The following LCP1 variants were observed in gnomAD, a reference collection of about 807,000 sequenced individuals.
LCP1 encodes plastin-2.
In LCP1, 23 loss-of-function variants were observed where a neutral mutation model predicts 72.0. That is an observed-to-expected ratio of 0.32 (90% CI 0.23 to 0.45). The LOEUF (loss-of-function observed/expected upper bound fraction) is 0.45. Among genes scored for constraint, LCP1 ranks in the 20% least tolerant of loss-of-function variants. LCP1 has a pLI of 1.00. For synonymous variants in LCP1, 245 were observed against 275.4 expected (o/e 0.89, Z 1.09); for missense variants, 571 against 748.3 (o/e 0.76, Z 2.76).
intron 4 of LCP1, among the ~76,000 whole-genome samples, chr13:46,157,712 A>G (rs2045811561): frequency 6.6e-6 from 1 of 151,594 alleles, no homozygotes; most frequent in South Asian, 2.1e-4. Context: ...TGTCTTAGCA[A>G]CTATAGATGG....
intron 5 of LCP1, among the ~76,000 whole-genome samples, chr13:46,155,864 T>G (rs2045798164): frequency 6.6e-6 from 1 of 152,252 alleles, no homozygotes; most frequent in Non-Finnish European, 1.5e-5. Flanking sequence ...TAAGGACTTC[T>G]TCCATCATCC....
intron 1 of LCP1, among the ~76,000 whole-genome samples, chr13:46,176,716 T>A (rs1356829823): frequency 6.6e-6 from 1 of 152,216 alleles, no homozygotes; most frequent in Non-Finnish European, 1.5e-5. Context: ...GCAAATTATC[T>A]GGGAGATTGC....
At chr13:46,157,595 G>A (rs2045810757) in intron 4 of LCP1, among the ~76,000 whole-genome samples, 1 of 152,010 alleles carries the variant, frequency 6.6e-6, no homozygotes, top group Non-Finnish European at 1.5e-5. Flanking sequence ...TAAAAGTTTG[G>A]GAAATACTGT....
At chr13:46,139,439 C>T (rs188363377) in intron 13 of LCP1, among the ~76,000 whole-genome samples, 1 of 152,374 alleles carries the variant, frequency 6.6e-6, no homozygotes, top group Admixed American at 6.5e-5. Context: ...GATCTGCAGA[C>T]AGTGGCTTGG....
chr13:46,176,483 T>C (rs191034413), intron 1 of LCP1, among the ~76,000 whole-genome samples: 403 of 152,346 alleles, frequency 2.6e-3, no homozygotes, highest in Non-Finnish European at 4.9e-3. Context: ...CACTTCTAAT[T>C]TTAAACTTTG....
intron 13 of LCP1, among the ~76,000 whole-genome samples, chr13:46,141,515 G>C (rs1172045872): frequency 6.6e-6 from 1 of 151,498 alleles, no homozygotes; most frequent in Non-Finnish European, 1.5e-5. Context: ...TACTACATAT[G>C]AGGGAACAAC....
intron 4 of LCP1, among the ~76,000 whole-genome samples, chr13:46,157,986 C>T (rs1241705449): frequency 2.6e-5 from 4 of 152,134 alleles, no homozygotes; most frequent in African/African-American, 9.7e-5. Flanking sequence ...CTTGGCCTCC[C>T]AAAGTGCTGG....
chr13:46,158,660 A>C lies in LCP1; in HGVS notation c.229-9T>G. ...TTTAGGCCATGGAAAATCTGCAAAA[A>C]TATAATGTATCTTTAGAAACTCAAG... On this transcript the variant is annotated splice_polypyrimidine_tract_variant and intron_variant, in intron 3 of 15. Coordinates refer to ENST00000323076, the MANE Select transcript of LCP1 (RefSeq NM_002298.5). 1 of 1,614,122 alleles carries C rather than the reference A, an allele frequency of 6.2e-7. No homozygotes were observed.
At chr13:46,148,075 G>A (rs2045741281) in intron 9 of LCP1, among the ~76,000 whole-genome samples, 1 of 152,202 alleles carries the variant, frequency 6.6e-6, no homozygotes, top group African/African-American at 2.4e-5. Flanking sequence ...AGACCCATGT[G>A]GGGTTATAGA....
rs990638886 is a variant in LCP1, at chr13:46,145,702, G to A, written c.1175-1182C>T. ...AGGCGGGCGGATCACGAGGTCAGGA[G>A]ATCGAGACCATCCCGGCTAAAATGG... is the stretch of plus-strand genomic sequence containing the variant. On this transcript the variant is annotated intron_variant, in intron 10 of 15. Coordinates refer to ENST00000323076, the MANE Select transcript of LCP1 (RefSeq NM_002298.5). Among the ~76,000 whole-genome samples the A allele has an allele frequency of 3.1e-5, 4 of 130,382 alleles. 1 individual carries two copies. Among genetic ancestry groups the A allele is most frequent in the Non-Finnish European group, 4.8e-5 (3 of 61,900 alleles). 85.5% of individuals were successfully genotyped at this position (130,382 alleles called of 152,430 possible).
chr13:46,179,360 G>T (rs9595427), intron 1 of LCP1, among the ~76,000 whole-genome samples: 26 of 152,248 alleles, frequency 1.7e-4, no homozygotes, highest in Non-Finnish European at 2.8e-4. Context: ...TCATGCGTAT[G>T]TAAGAAGCTG....
intron 14 of LCP1, among the ~76,000 whole-genome samples, chr13:46,133,003 G>C (rs1300598735): frequency 6.6e-6 from 1 of 152,120 alleles, no homozygotes; most frequent in Admixed American, 6.5e-5. Flanking sequence ...CAGGCATTAT[G>C]ATGATGTGGA....
intron 1 of LCP1, among the ~76,000 whole-genome samples, chr13:46,166,381 A>C (rs1413818907): frequency 1.2e-4 from 18 of 152,230 alleles, no homozygotes; most frequent in Non-Finnish European, 2.4e-4. Flanking sequence ...CAATATACTG[A>C]TGCTGAATCA....
chr13:46,147,162 T>G, intron 9 of LCP1, 59 bp from the exon 10 acceptor site: 1 of 1,379,984 alleles, frequency 7.2e-7, no homozygotes, highest in Non-Finnish European at 9.7e-7. Context: ...CAAAGCAGAT[T>G]GCATAATGTG....
intron 13 of LCP1, among the ~76,000 whole-genome samples, chr13:46,136,170 C>G (rs1216537988): frequency 2.6e-5 from 4 of 152,008 alleles, no homozygotes; most frequent in African/African-American, 7.3e-5. Context: ...AGGCACACCT[C>G]CATCCTCCTT....
intron 1 of LCP1, 28 bp from the exon 2 acceptor site, chr13:46,159,714 AC>A: frequency 1.5e-6 from 2 of 1,361,328 alleles, no homozygotes; most frequent in Non-Finnish European, 2.1e-6. Context: ...ATAAGGGATA[AC>A]TTTTGTGCAT....
rs545119229 is a variant in LCP1 at position 46,176,440 on chromosome 13, G to GA, written c.-25+5670dup. ...TGAATTATTATAAAAGGTTTTTATG[G>GA]AAAAAAAGTTGCACCTGAGGTTAAT... On this transcript the variant is annotated intron_variant, in intron 1 of 15. Transcript: ENST00000323076. Among the ~76,000 whole-genome samples, 177 of 152,220 alleles carry GA rather than the reference G, an allele frequency of 1.2e-3. 1 individual carries two copies. The highest frequency in any genetic ancestry group is 3.7e-3 in the East Asian group (19 of 5,190).
chr13:46,160,638 A>T (rs1034847339), intron 1 of LCP1, among the ~76,000 whole-genome samples: 1 of 152,174 alleles, frequency 6.6e-6, no homozygotes, highest in African/African-American at 2.4e-5. Context: ...GTGCTTGAGT[A>T]ATTTCCCTTT....
In LCP1 at chr13:46,127,401, G is replaced by T; in HGVS notation, c.*190C>A. 1.7e-6 allele frequency: 1 copy of T among 575,646 alleles called. No homozygotes were observed. Among genetic ancestry groups the T allele is most frequent in the Non-Finnish European group, 3.0e-6 (1 of 333,958 alleles). The allele number at this position is 575,646 out of a possible 1,614,324, so 35.7% of individuals were successfully genotyped here. On this transcript the variant is annotated 3_prime_UTR_variant, in exon 16 of 16. Transcript: ENST00000323076. ...TAGAAACCTATATATAGGAGGTTGG[G>T]CCTCCTGCAAAGAATGAAGCACTTT...
Sources: gnomAD v4.1 joint callset for allele counts (sites outside exome capture counted in the v4.1 genomes callset) on GRCh38, gnomAD v4.1.1 for gene constraint, MANE v1.5 for transcripts, NCBI Gene and HGNC (gene_info 2026-07-23, HGNC 2026-07-21) for gene names.